PLCB1: variants seen among roughly 807,000 people sequenced by gnomAD.
The protein encoded by PLCB1 is phospholipase C beta 1.
A neutral mutation model predicts 161.8 loss-of-function variants in PLCB1; 46 were observed. The ratio of observed to expected loss-of-function variants is 0.28; its 90% CI spans 0.22 to 0.36. The LOEUF (loss-of-function observed/expected upper bound fraction) is 0.36. Ranked by LOEUF, PLCB1 falls within the 10% of genes least tolerant of loss-of-function variation. The probability of loss-of-function intolerance (pLI) is 1.00; values close to 1 mark genes in which losing one functional copy is unlikely to be tolerated. For synonymous variants in PLCB1, 517 were observed against 503.7 expected, an observed-to-expected ratio of 1.03 and a Z score of -0.35; for missense variants, 1,016 against 1,472.5, an observed-to-expected ratio of 0.69 and a Z score of 5.07.
At chr20:8,365,907 A>G (rs1366186316) in intron 2 of PLCB1, among the ~76,000 whole-genome samples, 1 of 152,194 alleles carries the variant, frequency 6.6e-6, no homozygotes, top group African/African-American at 2.4e-5. Flanking sequence ...TTCAATAACA[A>G]TGCACAGAAA....
intron 4 of PLCB1, among the ~76,000 whole-genome samples, chr20:8,644,077 G>T (rs1468570139): frequency 6.6e-6 from 1 of 152,210 alleles, no homozygotes; most frequent in African/African-American, 2.4e-5. Flanking sequence ...GATTGCAGAC[G>T]GAGTCTGGTT....
chr20:8,419,186 C>T (rs1354624442), intron 3 of PLCB1, among the ~76,000 whole-genome samples: 1 of 152,134 alleles, frequency 6.6e-6, no homozygotes, highest in Non-Finnish European at 1.5e-5. Context: ...TGGAAGTTTA[C>T]TTGTCTTTGG....
At chr20:8,749,760 A>C (rs1185779924) in intron 23 of PLCB1, among the ~76,000 whole-genome samples, 2 of 152,174 alleles carry the variant, frequency 1.3e-5, no homozygotes, top group Admixed American at 1.3e-4. Context: ...TTATGCATTA[A>C]ATACAAACTT....
intron 3 of PLCB1, among the ~76,000 whole-genome samples, chr20:8,493,915 G>C (rs1983051157): frequency 2.2e-5 from 3 of 135,080 alleles, no homozygotes; most frequent in South Asian, 4.6e-4. Flanking sequence ...GTGTATGAGA[G>C]TCTGCATGAG....
chr20:8,865,169 C>T (rs1283041231), intron 31 of PLCB1, among the ~76,000 whole-genome samples: 1 of 151,992 alleles, frequency 6.6e-6, no homozygotes, highest in African/African-American at 2.4e-5. Context: ...TTGCACTTTC[C>T]TTGTAGAGGA....
intron 3 of PLCB1, among the ~76,000 whole-genome samples, chr20:8,436,842 T>TG (rs1980334755): frequency 6.6e-6 from 1 of 152,102 alleles, no homozygotes; most frequent in South Asian, 2.1e-4. Flanking sequence ...CAGGCTGGAG[T>TG]GCAGGGGTAC....
intron 3 of PLCB1, among the ~76,000 whole-genome samples, chr20:8,590,021 G>T (rs1022767756): frequency 3.3e-5 from 5 of 152,022 alleles, no homozygotes; most frequent in African/African-American, 1.2e-4. Context: ...CATCACTTTG[G>T]TGGTTAGAAT....
intron 10 of PLCB1, among the ~76,000 whole-genome samples, chr20:8,690,294 A>G (rs1333921081): frequency 6.6e-6 from 1 of 152,074 alleles, no homozygotes; most frequent in Non-Finnish European, 1.5e-5. Context: ...CAGGTGTTAC[A>G]ACAGAGAAAG....
intron 3 of PLCB1, among the ~76,000 whole-genome samples, chr20:8,494,142 G>A (rs1483125837): frequency 3.3e-5 from 5 of 152,322 alleles, no homozygotes; most frequent in South Asian, 2.1e-4. Flanking sequence ...CTTGGTGTAT[G>A]AGAGTCTGCA....
At chr20:8,366,698 C>G (rs1457246229) in intron 2 of PLCB1, among the ~76,000 whole-genome samples, 4 of 152,104 alleles carry the variant, frequency 2.6e-5, no homozygotes, top group Non-Finnish European at 5.9e-5. Context: ...CATCTGAGGT[C>G]CTAAGAGTGT....
intron 3 of PLCB1, among the ~76,000 whole-genome samples, chr20:8,612,496 TTTCAC>T (rs1252002852): frequency 6.6e-6 from 1 of 151,976 alleles, no homozygotes; most frequent in Non-Finnish European, 1.5e-5. Context: ...ATTCCAGAGG[TTTCAC>T]CAGGAAGTCC....
chr20:8,202,787 C>G (rs757028426), intron 2 of PLCB1, among the ~76,000 whole-genome samples: 1 of 152,124 alleles, frequency 6.6e-6, no homozygotes, highest in Non-Finnish European at 1.5e-5. Context: ...ACTGATAGTC[C>G]AGTGTCATCA....
intron 31 of PLCB1, among the ~76,000 whole-genome samples, chr20:8,830,095 C>T (rs559275068): frequency 1.1e-4 from 16 of 152,292 alleles, no homozygotes; most frequent in East Asian, 7.7e-4. Flanking sequence ...AGCTTCACTG[C>T]GTATCGTTTC....
chr20:8,714,682 C>A (rs1258688826), intron 12 of PLCB1, among the ~76,000 whole-genome samples: 1 of 152,160 alleles, frequency 6.6e-6, no homozygotes, highest in African/African-American at 2.4e-5. Context: ...AGCTCCCATA[C>A]AGACCAAGAG....
chr20:8,288,023 A>G (rs962871678), intron 2 of PLCB1, among the ~76,000 whole-genome samples: 2 of 152,200 alleles, frequency 1.3e-5, no homozygotes, highest in Admixed American at 6.5e-5. Context: ...ACATGTGCTA[A>G]ACCAAAGAAC....
intron 2 of PLCB1, among the ~76,000 whole-genome samples, chr20:8,362,536 T>C (rs1205582978): frequency 2.0e-5 from 3 of 152,214 alleles, no homozygotes; most frequent in African/African-American, 7.2e-5. Context: ...TATAATTTTA[T>C]GTTTAGCTGC....
At chr20:8,419,363 G>GCATC (rs1979436940) in intron 3 of PLCB1, among the ~76,000 whole-genome samples, 1 of 152,074 alleles carries the variant, frequency 6.6e-6, no homozygotes, top group African/African-American at 2.4e-5. Flanking sequence ...CCAATAAACA[G>GCATC]CATCCAAAAA....
chr20:8,179,682 G>A (rs1379222106), intron 2 of PLCB1, among the ~76,000 whole-genome samples: 3 of 151,964 alleles, frequency 2.0e-5, no homozygotes, highest in East Asian at 1.9e-4. Flanking sequence ...GTACTGTGTC[G>A]AATAGGAGTG....
chr20:8,326,137 A>G (rs1370892952), intron 2 of PLCB1, among the ~76,000 whole-genome samples: 1 of 152,210 alleles, frequency 6.6e-6, no homozygotes, highest in East Asian at 1.9e-4. Context: ...AAGTGTAAAT[A>G]TCTGCAAATG....
Sources: gnomAD v4.1 joint callset for allele counts (sites outside exome capture counted in the v4.1 genomes callset) on GRCh38, gnomAD v4.1.1 for gene constraint, MANE v1.5 for transcripts, NCBI Gene and HGNC (gene_info 2026-07-23, HGNC 2026-07-21) for gene names.